Variants in KRT20 observed in about 807,000 individuals in gnomAD.
KRT20 encodes the protein keratin, type I cytoskeletal 20.
A neutral mutation model predicts 43.0 loss-of-function variants in KRT20; 41 were observed. That is an observed-to-expected ratio of 0.95 (90% CI 0.74 to 1.24). KRT20 has a LOEUF of 1.24. Among genes scored for constraint, KRT20 ranks in the 50% most tolerant of loss-of-function variants. KRT20 has a pLI of 0.00. For synonymous variants in KRT20, 207 were observed against 200.6 expected, an observed-to-expected ratio of 1.03 and a Z score of -0.27; for missense variants, 533 against 521.2, an observed-to-expected ratio of 1.02 and a Z score of -0.22.
chr17:40,882,009 A>G (rs1907622245), intron 2 of KRT20, among the ~76,000 whole-genome samples: 1 of 151,898 alleles, frequency 6.6e-6, no homozygotes. Context: ...AGTAGCTGGG[A>G]TTACAGACAT....
Position 40,884,791 on chromosome 17 carries a change from C to T in KRT20, c.390+5G>A. ...AGAGTAGGAAACACAAGCATCATCT[C>T]TCACCTGACTTCGCAGCTCTTCAAT... On this transcript the variant is annotated splice_donor_5th_base_variant and intron_variant, in intron 1 of 7. Coordinates refer to ENST00000167588, the MANE Select transcript of KRT20 (RefSeq NM_019010.3). The T allele has an allele frequency of 6.2e-7, 1 of 1,609,592 alleles. No homozygotes were observed. Among genetic ancestry groups the T allele is most frequent in the Non-Finnish European group, 8.5e-7 (1 of 1,177,032 alleles).
intron 1 of KRT20, among the ~76,000 whole-genome samples, chr17:40,883,745 C>G (rs1907694632): frequency 6.6e-6 from 1 of 152,212 alleles, no homozygotes; most frequent in Non-Finnish European, 1.5e-5. Context: ...ATGAACCAAA[C>G]TAGAGTCAGA....
rs541747354 is a variant in KRT20, at chr17:40,876,099, T to C, written c.*262A>G. On this transcript the variant is annotated 3_prime_UTR_variant, in exon 8 of 8. Coordinates refer to ENST00000167588, the MANE Select transcript of KRT20 (RefSeq NM_019010.3). ...TACAGCTTGTAATTGATGTGCTTCATGATAAAGATGGCAGTAATGATGTTT... is the reference window on the plus strand; with the variant it reads ...TACAGCTTGTAATTGATGTGCTTCACGATAAAGATGGCAGTAATGATGTTT... 2.9e-6 allele frequency: 1 copy of C among 340,728 alleles called. No individual in the cohort carries two copies. The highest frequency in any genetic ancestry group is 2.1e-5 in the African/African-American group (1 of 48,066). 21.1% of individuals were successfully genotyped at this position (340,728 alleles called of 1,614,324 possible). A position where few individuals can be genotyped will look rare whatever the true frequency, so the allele number is the denominator to read the frequency against.
intron 5 of KRT20, among the ~76,000 whole-genome samples, chr17:40,879,557 A>G (rs539716429): frequency 6.6e-6 from 1 of 152,248 alleles, no homozygotes; most frequent in Admixed American, 6.5e-5. Flanking sequence ...TAAAAGTTAC[A>G]AGAAGATCTG....
chr17:40,876,487 A>T, intron 7 of KRT20, 29 bp from the exon 8 acceptor site: 1 of 1,253,736 alleles, frequency 8.0e-7, no homozygotes, highest in South Asian at 1.2e-5. Flanking sequence ...TTAAATGTTA[A>T]TTCAGGCACA....
At chr17:40,877,998 T>C in intron 6 of KRT20, 147 bp downstream of exon 6, 1 of 705,640 alleles carries the variant, frequency 1.4e-6, no homozygotes, top group African/African-American at 1.8e-5. Context: ...TGGTATATTT[T>C]CGTTTTGTTG....
At chr17:40,882,296 A>T (rs1907632558) in intron 2 of KRT20, among the ~76,000 whole-genome samples, 1 of 152,212 alleles carries the variant, frequency 6.6e-6, no homozygotes, top group Non-Finnish European at 1.5e-5. Flanking sequence ...TTTAGATACC[A>T]GGTTACTAAA....
chr17:40,878,630 C>G (rs1377165689), intron 5 of KRT20, among the ~76,000 whole-genome samples: 1 of 152,134 alleles, frequency 6.6e-6, no homozygotes, highest in African/African-American at 2.4e-5. Context: ...TCAGTACTTG[C>G]TTCCCCACTG....
chr17:40,885,027 C>T lies in KRT20; in HGVS notation c.159G>A (p.Val53=). ...GIRISNSRHT[V]NYGSDLTGGG... is the part of the protein sequence containing the mutation. ...CGCCTGTGAGATCGCTCCCATAGTT[C>T]ACCGTGTGTCTGGAGTTGGAGATGC... Residue 53 remains valine (V), a synonymous_variant, in exon 1 of 8, where the codon GTG becomes GTA. Transcript: ENST00000167588. 2 of 1,614,196 alleles carry T rather than the reference C, an allele frequency of 1.2e-6. No individual in the cohort carries two copies. The highest frequency in any genetic ancestry group is 1.7e-6 in the Non-Finnish European group (2 of 1,180,036).
At chr17:40,883,746 T>C (rs770586073) in intron 1 of KRT20, among the ~76,000 whole-genome samples, 2 of 152,184 alleles carry the variant, frequency 1.3e-5, no homozygotes, top group Non-Finnish European at 2.9e-5. Flanking sequence ...TGAACCAAAC[T>C]AGAGTCAGAA....
Position 40,876,981 on chromosome 17 carries a change from G to A in KRT20, c.1177+399C>T, listed in dbSNP as rs80013553. ...TGTTGGGAGGTGCGGCCTAGTAAAA[G>A]GTGATTAGATGATGAGGGCTCTTCT... On this transcript the variant is annotated intron_variant, in intron 7 of 7. Transcript: ENST00000167588. 5.7e-3 allele frequency among the ~76,000 whole-genome samples: 871 copies of A among 152,276 alleles called. 9 individuals carry two copies. Among genetic ancestry groups the A allele is most frequent in the African/African-American group, 0.02 (835 of 41,536 alleles).
chr17:40,876,385 G>A lies in KRT20; in HGVS notation c.1251C>T (p.Val417=), dbSNP rs375176058. Reference sequence around the variant, plus strand: ...TTTAGATATTTTCTTCCACCTCTTTGACTTCAGATGACACGACCTTGCCAT... The same window carrying A: ...TTTAGATATTTTCTTCCACCTCTTTAACTTCAGATGACACGACCTTGCCAT... ...VVDGKVVSSE[V]KEVEENI is the part of the protein sequence containing the mutation. The change falls in exon 8 of 8, where the codon GTC becomes GTT. Residue 417 remains valine, a synonymous_variant. Transcript: ENST00000167588. 2 of 1,611,998 alleles carry A rather than the reference G, an allele frequency of 1.2e-6. No individual in the cohort carries two copies. The highest frequency in any genetic ancestry group is 1.7e-6 in the Non-Finnish European group (2 of 1,178,274).
intron 7 of KRT20, 123 bp from the exon 8 acceptor site, chr17:40,876,581 A>C (rs1317202188): frequency 1.9e-6 from 1 of 515,080 alleles, no homozygotes; most frequent in East Asian, 3.2e-5. Context: ...TGTTAAACCC[A>C]TCCTCTTTCT....
At chr17:40,883,624 A>G (rs942133480) in intron 1 of KRT20, among the ~76,000 whole-genome samples, 1 of 152,228 alleles carries the variant, frequency 6.6e-6, no homozygotes, top group Non-Finnish European at 1.5e-5. Flanking sequence ...CTTGCAGAAG[A>G]TGTTACAATG....
At chr17:40,876,609 A>G (rs1907356423) in intron 7 of KRT20, 151 bp from the exon 8 acceptor site, 2 of 464,208 alleles carry the variant, frequency 4.3e-6, no homozygotes, top group Non-Finnish European at 3.8e-6. Flanking sequence ...TCTTAAGTCC[A>G]TTTTATAAAT....
chr17:40,876,340 G>A lies in KRT20; in HGVS notation c.*21C>T, dbSNP rs753232468. ...CCAAATTTCTTTCAAAACCTCAGCA[G>A]CATCTCCTTCTGGTAGCTATTTAGA... On this transcript the variant is annotated 3_prime_UTR_variant, in exon 8 of 8. Coordinates refer to ENST00000167588, the MANE Select transcript of KRT20 (RefSeq NM_019010.3). 4.7e-6 allele frequency: 7 copies of A among 1,502,444 alleles called. No homozygotes were observed. Among genetic ancestry groups the A allele is most frequent in the East Asian group, 4.5e-5 (2 of 44,316 alleles). The allele number at this position is 1,502,444 out of a possible 1,614,324, so 93.1% of individuals were successfully genotyped here. A position where few individuals can be genotyped will look rare whatever the true frequency, so the allele number is the denominator to read the frequency against.
intron 2 of KRT20, among the ~76,000 whole-genome samples, chr17:40,881,830 A>G (rs60408182): frequency 0.02 from 2,992 of 152,112 alleles, 103 homozygotes; most frequent in African/African-American, 0.068. Context: ...GATGACTACA[A>G]AGAAAGTGAA....
In KRT20 at chr17:40,880,691, G is replaced by T. The variant is rs777834324; in HGVS notation, c.553C>A (p.Leu185Ile). Residue 185 changes from leucine to isoleucine, a missense_variant, in exon 3 of 8, where the codon CTA (leucine) becomes ATA (isoleucine). By Grantham distance (5) the Leu-to-Ile change is conservative. Coordinates refer to ENST00000167588, the MANE Select transcript of KRT20 (RefSeq NM_019010.3). Reference sequence around the variant, plus strand: ...TGAATCTCCAAATCTGTTTTATGTAGGGTTAGGTCATCAAAGACCTTATTC... The same window carrying T: ...TGAATCTCCAAATCTGTTTTATGTATGGTTAGGTCATCAAAGACCTTATTC... ...GLNKVFDDLT[L>I]HKTDLEIQIE... 6.2e-7 allele frequency: 1 copy of T among 1,610,650 alleles called. No homozygotes were observed. Among genetic ancestry groups the T allele is most frequent in the Admixed American group, 1.7e-5 (1 of 59,412 alleles).
At chr17:40,884,695 A>AT (rs1397518293) in intron 1 of KRT20, 101 bp downstream of exon 1, 4 of 1,341,156 alleles carry the variant, frequency 3.0e-6, no homozygotes, top group Non-Finnish European at 4.1e-6. Flanking sequence ...TTTTAGCCTA[A>AT]TTTGCTTTAC....
Sources: gnomAD v4.1 joint callset for allele counts (sites outside exome capture counted in the v4.1 genomes callset) on GRCh38, gnomAD v4.1.1 for gene constraint, MANE v1.5 for transcripts, NCBI Gene and HGNC (gene_info 2026-07-23, HGNC 2026-07-21) for gene names.